ZNF385D: variants seen among roughly 807,000 people sequenced by gnomAD.
The protein encoded by ZNF385D is zinc finger protein 385D, also known as zinc finger protein 659.
Under a neutral mutation model 35.8 loss-of-function variants are expected in ZNF385D, and 15 were observed. That is an observed-to-expected ratio of 0.42 (90% CI 0.28 to 0.64). ZNF385D has a LOEUF of 0.64. Ranked by LOEUF, ZNF385D falls within the 30% of genes least tolerant of loss-of-function variation. ZNF385D has a pLI of 0.23. For missense variants in ZNF385D, 474 were observed against 494.6 expected, an observed-to-expected ratio of 0.96 and a Z score of 0.39; for synonymous variants, 212 against 186.8, an observed-to-expected ratio of 1.13 and a Z score of -1.10.
rs1432682749 is a variant in ZNF385D, at chr3:21,420,024, T to C, written c.*1190A>G. On this transcript the variant is annotated 3_prime_UTR_variant, in exon 8 of 8. Transcript: ENST00000281523. The stretch of plus-strand genomic sequence containing the variant: ...GTATTTTTTAACACTATGTCATTGG[T>C]GTGCAATTAACTCAGATTCATATTT... The C allele has an allele frequency of 6.6e-6, 1 of 152,114 alleles. No homozygotes were observed. The highest frequency in any genetic ancestry group is 1.5e-5 in the Non-Finnish European group (1 of 68,004). 9.4% of individuals were successfully genotyped at this position (152,114 alleles called of 1,614,324 possible).
chr3:21,798,240 C>T (rs2072240621), intron 3 of ZNF385D, among the ~76,000 whole-genome samples: 3 of 152,192 alleles, frequency 2.0e-5, no homozygotes, highest in South Asian at 2.1e-4. Context: ...TCTCTCATGA[C>T]ACAGGTTGTC....
rs529162544 is a variant in ZNF385D, at chr3:21,953,883, G to A, written c.325+214934C>T. 5.9e-5 allele frequency among the ~76,000 whole-genome samples: 9 copies of A among 151,968 alleles called. No individual in the cohort carries two copies. In the South Asian group the frequency reaches 1.9e-3, roughly 32 times the overall value. On this transcript the variant is annotated intron_variant, in intron 3 of 5. Transcript: ENST00000494108. ...TCACGTATACACACACACAATGAAG[G>A]CACATGTAGCCTGCAGCAAAGCACT... is the stretch of plus-strand genomic sequence containing the variant.
chr3:21,743,416 T>A (rs543791406), intron 1 of ZNF385D, among the ~76,000 whole-genome samples: 85 of 152,378 alleles, frequency 5.6e-4, no homozygotes, highest in Middle Eastern at 3.4e-3. Context: ...TGAGGCCAAC[T>A]GTCTTAATCT....
chr3:21,877,945 A>AAG (rs1698069473), intron 3 of ZNF385D: 1 of 152,056 alleles, frequency 6.6e-6, no homozygotes, highest in Non-Finnish European at 1.5e-5. Context: ...TTTTAATTAC[A>AAG]ACAGCAATGA....
At chr3:22,150,368 A>C (rs1039794658) in intron 3 of ZNF385D, among the ~76,000 whole-genome samples, 1 of 152,066 alleles carries the variant, frequency 6.6e-6, no homozygotes, top group African/African-American at 2.4e-5. Flanking sequence ...AACATTCTTC[A>C]GTGAGAAAGA....
At chr3:22,076,272 C>T (rs190882765) in intron 3 of ZNF385D, among the ~76,000 whole-genome samples, 66 of 151,994 alleles carry the variant, frequency 4.3e-4, no homozygotes, top group African/African-American at 1.4e-3. Context: ...ATTATTGTGG[C>T]CTGGTCTCTA....
At chr3:21,936,048 A>G (rs1701239612) in intron 3 of ZNF385D, among the ~76,000 whole-genome samples, 1 of 152,076 alleles carries the variant, frequency 6.6e-6, no homozygotes, top group Non-Finnish European at 1.5e-5. Context: ...AAGGTGCTGA[A>G]TGAATTGGAG....
chr3:21,966,415 T>A (rs1221098566), intron 3 of ZNF385D, among the ~76,000 whole-genome samples: 2 of 152,222 alleles, frequency 1.3e-5, no homozygotes, highest in African/African-American at 4.8e-5. Context: ...AAAGACGCAT[T>A]TGTGGCTTTC....
intron 3 of ZNF385D, among the ~76,000 whole-genome samples, chr3:21,880,518 G>C (rs980942088): frequency 6.6e-6 from 1 of 151,958 alleles, no homozygotes; most frequent in African/African-American, 2.4e-5. Context: ...TAAATGTTGT[G>C]TCTGACCTTT....
intron 3 of ZNF385D, among the ~76,000 whole-genome samples, chr3:21,811,107 A>G (rs1281500612): frequency 6.6e-6 from 1 of 152,062 alleles, no homozygotes; most frequent in South Asian, 2.1e-4. Context: ...AAAGAATCAA[A>G]GAATTTAATA....
chr3:21,727,880 C>T (rs931551582), intron 1 of ZNF385D, among the ~76,000 whole-genome samples: 1 of 152,264 alleles, frequency 6.6e-6, no homozygotes, highest in African/African-American at 2.4e-5. Context: ...TTTACTGTGG[C>T]ACTATTCACA....
chr3:21,591,789 A>G (rs1158606117), intron 2 of ZNF385D, among the ~76,000 whole-genome samples: 1 of 152,142 alleles, frequency 6.6e-6, no homozygotes, highest in Non-Finnish European at 1.5e-5. Flanking sequence ...AGCCTCATTC[A>G]GAACAGTTTT....
intron 3 of ZNF385D, among the ~76,000 whole-genome samples, chr3:22,019,429 C>T (rs1426577593): frequency 6.6e-6 from 1 of 151,776 alleles, no homozygotes; most frequent in African/African-American, 2.4e-5. Context: ...ATGTCTAACC[C>T]ATCTCATATA....
intron 3 of ZNF385D, among the ~76,000 whole-genome samples, chr3:22,020,914 C>T (rs1697186869): frequency 6.6e-6 from 1 of 151,742 alleles, no homozygotes; most frequent in Non-Finnish European, 1.5e-5. Flanking sequence ...GAAAATATGG[C>T]ATATATACAC....
intron 3 of ZNF385D, among the ~76,000 whole-genome samples, chr3:21,830,391 G>A (rs17622222): frequency 0.042 from 6,372 of 152,226 alleles, 188 homozygotes; most frequent in Middle Eastern, 0.068. Flanking sequence ...TGACATAGCT[G>A]TCACCATCCT....
At chr3:22,105,819 C>T (rs1447340163) in intron 3 of ZNF385D, among the ~76,000 whole-genome samples, 1 of 152,094 alleles carries the variant, frequency 6.6e-6, no homozygotes, top group Admixed American at 6.6e-5. Context: ...CTCTCACAGA[C>T]AAAATAATGT....
intron 3 of ZNF385D, among the ~76,000 whole-genome samples, chr3:22,108,667 T>A (rs148325072): frequency 1.1e-3 from 166 of 152,286 alleles, no homozygotes; most frequent in African/African-American, 3.8e-3. Context: ...GAAGTGAACG[T>A]AGTTTATAAT....
At chr3:21,980,959 A>G (rs918982303) in intron 3 of ZNF385D, among the ~76,000 whole-genome samples, 19 of 152,018 alleles carry the variant, frequency 1.2e-4, no homozygotes, top group Admixed American at 9.2e-4. Context: ...TCTTTATCCA[A>G]TCTGTCTTTA....
rs145918510 is a variant in ZNF385D at position 21,980,470 on chromosome 3, G to A, written c.325+188347C>T. ...AATAGTAGCATTGAAGTGAAAAACA[G>A]TGTCATATGAACTTATAAAACACAA... On this transcript the variant is annotated intron_variant, in intron 3 of 5. Transcript: ENST00000494108. Among the ~76,000 whole-genome samples the A allele has an allele frequency of 2.4e-3, 373 of 152,256 alleles. 1 individual carries two copies. The highest frequency in any genetic ancestry group is 8.5e-3 in the African/African-American group (355 of 41,556).
Sources: gnomAD v4.1 joint callset for allele counts (sites outside exome capture counted in the v4.1 genomes callset) on GRCh38, gnomAD v4.1.1 for gene constraint, MANE v1.5 for transcripts, NCBI Gene and HGNC (gene_info 2026-07-23, HGNC 2026-07-21) for gene names.